Variants in AOPEP observed in about 807,000 individuals in gnomAD.
The protein encoded by AOPEP is aminopeptidase O (putative).
A neutral mutation model predicts 98.1 loss-of-function variants in AOPEP; 77 were observed. The observed-to-expected ratio is 0.78, with a 90% CI of 0.65 to 0.95. The LOEUF (loss-of-function observed/expected upper bound fraction) is 0.95, where lower values mean the gene tolerates loss of function less well. Ranked by LOEUF, AOPEP falls within the 40% of genes least tolerant of loss-of-function variation. AOPEP has a pLI of 0.00. For missense variants in AOPEP, 1,024 were observed against 1,024.7 expected, an observed-to-expected ratio of 1.00 and a Z score of 0.01; for synonymous variants, 346 against 365.3, an observed-to-expected ratio of 0.95 and a Z score of 0.60.
chr9:94,760,513 A>G lies in AOPEP; in HGVS notation c.730A>G (p.Ile244Val), dbSNP rs752346164. Residue 244 changes from isoleucine to valine, a missense_variant, in exon 2 of 17, where the codon ATC (isoleucine) becomes GTC (valine). This residue lies in a region of AOPEP where 440 missense variants were observed against 433.8 expected (regional missense o/e 1.01). Coordinates refer to ENST00000375315, the MANE Select transcript of AOPEP (RefSeq NM_001193329.3). Reference protein sequence around the residue: ...AQTATDFPHAIRIWYKTKPEG... With the variant: ...AQTATDFPHAVRIWYKTKPEG... Reference sequence around the variant, plus strand: ...GACAGCTACTGACTTTCCTCATGCTATCAGGATATGGTACAAAACTAAACC... The same window carrying G: ...GACAGCTACTGACTTTCCTCATGCTGTCAGGATATGGTACAAAACTAAACC... 1.2e-5 allele frequency: 20 copies of G among 1,604,884 alleles called. No homozygotes were observed. In the African/African-American group the frequency reaches 1.9e-4, roughly 15 times the overall value.
chr9:95,111,501 CGTA>C, the AOPEP span: 6 of 1,613,834 alleles, frequency 3.7e-6, no homozygotes, highest in Admixed American at 3.3e-5. Context: ...TCACGGGGGC[CGTA>C]GTAGAAGGCC....
intron 5 of AOPEP, among the ~76,000 whole-genome samples, chr9:94,820,689 G>C (rs933987717): frequency 1.3e-5 from 2 of 152,226 alleles, no homozygotes; most frequent in Non-Finnish European, 2.9e-5. Flanking sequence ...TGGGAGGTAG[G>C]GATGTGCCTG....
At chr9:95,108,780 T>TTGTC in the AOPEP span, among the ~76,000 whole-genome samples, 46 of 152,252 alleles carry the variant, frequency 3.0e-4, no homozygotes, top group African/African-American at 9.2e-4. Flanking sequence ...TATATACTTC[T>TTGTC]TGTCTTTTTT....
intron 11 of AOPEP, among the ~76,000 whole-genome samples, chr9:94,979,695 G>T (rs541329014): frequency 6.6e-6 from 1 of 152,160 alleles, no homozygotes; most frequent in Non-Finnish European, 1.5e-5. Flanking sequence ...CCTGCAAGAC[G>T]TGGGGTAGAT....
intron 5 of AOPEP, among the ~76,000 whole-genome samples, chr9:94,884,438 G>C (rs10732407): frequency 0.9 from 136,583 of 152,146 alleles, 61,906 homozygotes; most frequent in East Asian, 0.97. Context: ...TGACCAAATA[G>C]ACATTAAGGC....
intron 11 of AOPEP, among the ~76,000 whole-genome samples, chr9:94,982,130 G>A (rs539831650): frequency 1.3e-5 from 2 of 152,086 alleles, no homozygotes; most frequent in African/African-American, 4.8e-5. Flanking sequence ...TTCCTTTTAT[G>A]ACTTTTTTTT....
At chr9:95,138,650 C>A in the AOPEP span, among the ~76,000 whole-genome samples, 1 of 152,198 alleles carries the variant, frequency 6.6e-6, no homozygotes, top group Admixed American at 6.5e-5. Context: ...AGTGAGAGGT[C>A]TTCTGCCAGT....
At chr9:94,812,601 C>A (rs1052766310) in intron 5 of AOPEP, among the ~76,000 whole-genome samples, 3 of 151,986 alleles carry the variant, frequency 2.0e-5, no homozygotes, top group Non-Finnish European at 2.9e-5. Flanking sequence ...ATGACTGGAC[C>A]ATGTTTCCTA....
At chr9:94,823,204 C>T (rs1474222917) in intron 5 of AOPEP, among the ~76,000 whole-genome samples, 1 of 152,118 alleles carries the variant, frequency 6.6e-6, no homozygotes, top group Non-Finnish European at 1.5e-5. Flanking sequence ...CCGTGTTGGT[C>T]AGTCTGGTCT....
chr9:95,057,232 G>A (rs1032886784), intron 13 of AOPEP, among the ~76,000 whole-genome samples: 1 of 152,232 alleles, frequency 6.6e-6, no homozygotes, highest in African/African-American at 2.4e-5. Context: ...TCTCCCGCCA[G>A]TGCTGCTGTA....
At chr9:94,978,392 A>G (rs996813485) in intron 10 of AOPEP, among the ~76,000 whole-genome samples, 1 of 151,226 alleles carries the variant, frequency 6.6e-6, no homozygotes, top group Non-Finnish European at 1.5e-5. Context: ...CATTCATTCA[A>G]AAAAAAAATG....
intron 2 of AOPEP, chr9:94,763,307 A>G: frequency 4.4e-6 from 1 of 227,626 alleles, no homozygotes; most frequent in Non-Finnish European, 9.6e-6. Flanking sequence ...TTAGACAAAT[A>G]TAAGAAAATC....
At chr9:94,843,819 A>G (rs1350688400) in intron 5 of AOPEP, among the ~76,000 whole-genome samples, 2 of 152,028 alleles carry the variant, frequency 1.3e-5, no homozygotes, top group Admixed American at 1.3e-4. Flanking sequence ...TTTGCACTTG[A>G]CTTTTGGTTT....
intron 13 of AOPEP, among the ~76,000 whole-genome samples, chr9:95,009,295 T>TATAAAA (rs3839896): frequency 4.6e-5 from 7 of 151,576 alleles, no homozygotes; most frequent in Non-Finnish European, 8.8e-5. Context: ...AATATATACA[T>TATAAAA]ATAATATAAA....
chr9:95,104,609 G>T, the AOPEP span, among the ~76,000 whole-genome samples: 1 of 152,216 alleles, frequency 6.6e-6, no homozygotes, highest in African/African-American at 2.4e-5. Context: ...TTTGAATGTG[G>T]ACTGAAAGTT....
At chr9:94,743,196 A>AGAGGAG (rs1263073241) in intron 1 of AOPEP, among the ~76,000 whole-genome samples, 3 of 106,354 alleles carry the variant, frequency 2.8e-5, no homozygotes, top group Non-Finnish European at 5.7e-5. Context: ...AAGAAGAAGA[A>AGAGGAG]GAAGAGGAAG....
intron 11 of AOPEP, among the ~76,000 whole-genome samples, chr9:94,990,129 A>G (rs1245740833): frequency 2.0e-5 from 3 of 152,174 alleles, no homozygotes; most frequent in African/African-American, 7.2e-5. Flanking sequence ...TGTGTTTGCC[A>G]TGTTCCGCTG....
chr9:94,766,861 G>T (rs1459120756), intron 2 of AOPEP, among the ~76,000 whole-genome samples: 1 of 152,154 alleles, frequency 6.6e-6, no homozygotes, highest in Non-Finnish European at 1.5e-5. Context: ...CTGGGATGAA[G>T]TTAGCAAAAT....
chr9:94,858,263 G>A (rs2044485419), intron 5 of AOPEP, among the ~76,000 whole-genome samples: 1 of 152,156 alleles, frequency 6.6e-6, no homozygotes, highest in Non-Finnish European at 1.5e-5. Flanking sequence ...GTACAGATGG[G>A]GGAAGTAGGG....
Sources: allele counts gnomAD v4.1 joint callset (sites outside exome capture counted in the v4.1 genomes callset), GRCh38; gene constraint gnomAD v4.1.1; regional missense constraint gnomAD v4.1.1; transcripts MANE v1.5; gene names NCBI Gene and HGNC (gene_info 2026-07-23, HGNC 2026-07-21).